MKRN2: variants seen among roughly 807,000 people sequenced by gnomAD.
MKRN2 encodes E3 ubiquitin-protein ligase makorin-2.
A neutral mutation model predicts 45.4 loss-of-function variants in MKRN2; 32 were observed. The ratio of observed to expected loss-of-function variants is 0.70; its 90% confidence interval spans 0.53 to 0.95. The LOEUF is 0.95. MKRN2 is among the 40% of genes least tolerant of loss of function. MKRN2 has a pLI of 0.00. For missense variants in MKRN2, 526 were observed against 536.7 expected, an observed-to-expected ratio of 0.98 and a Z score of 0.20; for synonymous variants, 206 against 192.4, an observed-to-expected ratio of 1.07 and a Z score of -0.59.
intron 6 of MKRN2, among the ~76,000 whole-genome samples, chr3:12,578,858 A>ATATTT (rs1553608910): frequency 8.0e-6 from 1 of 125,230 alleles, no homozygotes; most frequent in Non-Finnish European, 1.7e-5. Context: ...CTAAAGCTTG[A>ATATTT]TTTTTTTTTT....
At position 12,566,257 on chromosome 3, in the gene MKRN2, G is replaced by A. The variant is rs145998166; in HGVS notation, c.27-2618G>A. Among the ~76,000 whole-genome samples the A allele has an allele frequency of 3.3e-3, 510 of 152,302 alleles. 1 individual carries two copies. Among genetic ancestry groups the A allele is most frequent in the Non-Finnish European group, 5.3e-3 (363 of 68,022 alleles). ...ACCAAGACCTAGAATATGCCTCCAG[G>A]TAGGAAGTCAGACTAAATGTGGGGC... On this transcript the variant is annotated intron_variant, in intron 1 of 7. Transcript: ENST00000170447.
intron 6 of MKRN2, among the ~76,000 whole-genome samples, chr3:12,581,004 CTT>C (rs376776267): frequency 6.8e-6 from 1 of 147,688 alleles, no homozygotes; most frequent in Non-Finnish European, 1.5e-5. Context: ...TCTTGGGTAT[CTT>C]TTTTTTTTTA....
chr3:12,575,720 T>C (rs1276386328), intron 5 of MKRN2, among the ~76,000 whole-genome samples: 1 of 152,234 alleles, frequency 6.6e-6, no homozygotes, highest in African/African-American at 2.4e-5. Context: ...TCATCCGCTT[T>C]CTGTCTCTAC....
chr3:12,566,000 G>A (rs2058067359), intron 1 of MKRN2, among the ~76,000 whole-genome samples: 1 of 151,868 alleles, frequency 6.6e-6, no homozygotes, highest in Non-Finnish European at 1.5e-5. Context: ...AGGCCCCCAA[G>A]TAGCCATCAT....
At chr3:12,576,880 T>G in intron 6 of MKRN2, 139 bp downstream of exon 6, 1 of 447,988 alleles carries the variant, frequency 2.2e-6, no homozygotes, top group Non-Finnish European at 4.1e-6. Context: ...TGCTGGGCTC[T>G]GGGATGCAGC....
intron 1 of MKRN2, among the ~76,000 whole-genome samples, chr3:12,563,578 C>T (rs2058052173): frequency 6.7e-6 from 1 of 148,688 alleles, no homozygotes; most frequent in African/African-American, 2.5e-5. Flanking sequence ...CAGCCTCCGC[C>T]TCCTGAGTTC....
At chr3:12,569,129 A>G in intron 2 of MKRN2, 126 bp downstream of exon 2, 1 of 1,239,938 alleles carries the variant, frequency 8.1e-7, no homozygotes, top group African/African-American at 1.5e-5. Flanking sequence ...AAATAAGTTT[A>G]AAACCTCAGT....
chr3:12,560,941 G>C (rs191528408), intron 1 of MKRN2: 1 of 152,344 alleles, frequency 6.6e-6, no homozygotes, highest in Admixed American at 6.5e-5. Context: ...GTATAACATA[G>C]ATGGAGAGGA....
chr3:12,574,096 G>A (rs2125305450), intron 4 of MKRN2, among the ~76,000 whole-genome samples: 2 of 152,210 alleles, frequency 1.3e-5, no homozygotes, highest in Middle Eastern at 6.8e-3. Context: ...AATTAGTACT[G>A]ACTCCATGTG....
In MKRN2 at chr3:12,572,190, T is replaced by C. The variant is rs1187050977; in HGVS notation, c.459T>C (p.Ser153=). The part of the protein sequence containing the change: ...KPHSYLDAIR[S]GLDDVEASSS... Reference sequence around the variant, plus strand: ...ATTCCTACCTGGATGCCATCAGGAGTGGCCTTGATGACGTGGAGGCCAGCA... The same window carrying C: ...ATTCCTACCTGGATGCCATCAGGAGCGGCCTTGATGACGTGGAGGCCAGCA... Residue 153 remains serine, a synonymous_variant, in exon 4 of 8, where the codon AGT becomes AGC. Coordinates refer to ENST00000170447, the MANE Select transcript of MKRN2 (RefSeq NM_014160.5). 1 of 1,613,156 alleles carries C rather than the reference T, an allele frequency of 6.2e-7. No homozygotes were observed. The highest frequency in any genetic ancestry group is 1.7e-5 in the Admixed American group (1 of 59,900).
intron 6 of MKRN2, 197 bp downstream of exon 6, chr3:12,576,938 T>TGTTTTTTTG (rs1553608766): frequency 2.0e-4 from 45 of 227,006 alleles, no homozygotes; most frequent in African/African-American, 1.5e-3. Flanking sequence ...TTGGTGTTTT[T>TGTTTTTTTG]TTTTTTTTTT....
intron 3 of MKRN2, 142 bp downstream of exon 3, chr3:12,570,394 T>C (rs2058091592): frequency 1.3e-6 from 1 of 784,396 alleles, no homozygotes; most frequent in Non-Finnish European, 1.9e-6. Flanking sequence ...ACTTCAGAAC[T>C]GTTCTGAAGA....
chr3:12,558,598 G>C (rs2058005741), intron 1 of MKRN2, among the ~76,000 whole-genome samples: 1 of 152,134 alleles, frequency 6.6e-6, no homozygotes, highest in African/African-American at 2.4e-5. Context: ...TTACAAATAA[G>C]GAATCTTATG....
chr3:12,578,812 T>G (rs1296364404), intron 6 of MKRN2, among the ~76,000 whole-genome samples: 1 of 152,102 alleles, frequency 6.6e-6, no homozygotes, highest in African/African-American at 2.4e-5. Context: ...ATGCATTACC[T>G]TTTTTAATGG....
intron 5 of MKRN2, 127 bp from the exon 6 acceptor site, chr3:12,576,504 C>T: frequency 1.7e-6 from 1 of 605,560 alleles, no homozygotes; most frequent in Non-Finnish European, 2.9e-6. Context: ...ATTGTGATTT[C>T]ATCTTTTGGA....
intron 3 of MKRN2, among the ~76,000 whole-genome samples, 175 bp from the exon 4 acceptor site, chr3:12,571,894 A>G (rs1005019432): frequency 6.6e-6 from 1 of 151,972 alleles, no homozygotes; most frequent in African/African-American, 2.4e-5. Context: ...TAATGTCACT[A>G]TGAACATTTT....
intron 4 of MKRN2, 47 bp from the exon 5 acceptor site, chr3:12,574,745 T>G: frequency 6.5e-7 from 1 of 1,545,900 alleles, no homozygotes; most frequent in South Asian, 1.1e-5. Flanking sequence ...CTCCTGCCAC[T>G]CCTCAGTGGC....
At chr3:12,561,421 T>C (rs2058035660) in intron 1 of MKRN2, among the ~76,000 whole-genome samples, 1 of 152,202 alleles carries the variant, frequency 6.6e-6, no homozygotes, top group Non-Finnish European at 1.5e-5. Context: ...TAGTATCTGG[T>C]AGAGGGCCTG....
In MKRN2 at chr3:12,576,782, T is replaced by C. The variant is rs777592008; in HGVS notation, c.968+41T>C. On this transcript the variant is annotated intron_variant, in intron 6 of 7. Coordinates refer to ENST00000170447, the MANE Select transcript of MKRN2 (RefSeq NM_014160.5). Reference sequence around the variant, plus strand: ...TTTCGACGTGCCCCTGCTGCCTGCCTGGCTCTGCTGTCAGCCCGTGTCCTC... The same window carrying C: ...TTTCGACGTGCCCCTGCTGCCTGCCCGGCTCTGCTGTCAGCCCGTGTCCTC... The C allele has an allele frequency of 5.7e-6, 8 of 1,408,556 alleles. No individual in the cohort carries two copies. The East Asian group carries it at 1.8e-4, about 32-fold the overall frequency. 87.3% of individuals were successfully genotyped at this position (1,408,556 alleles called of 1,614,324 possible).
Sources: gnomAD v4.1 joint callset for allele counts (sites outside exome capture counted in the v4.1 genomes callset) on GRCh38, gnomAD v4.1.1 for gene constraint, MANE v1.5 for transcripts, NCBI Gene and HGNC (gene_info 2026-07-23, HGNC 2026-07-21) for gene names.